CCNF: variants seen among roughly 807,000 people sequenced by gnomAD.
The protein encoded by CCNF is cyclin F, also known as cyclin-F.
Under a neutral mutation model 85.4 loss-of-function variants are expected in CCNF, and 30 were observed. That is an observed-to-expected ratio of 0.35 (90% CI 0.26 to 0.48). The LOEUF (loss-of-function observed/expected upper bound fraction) is 0.48, where lower values mean the gene tolerates loss of function less well. CCNF is among the 20% of genes least tolerant of loss of function. The probability of loss-of-function intolerance (pLI) is 0.99; values close to 1 mark genes in which losing one functional copy is unlikely to be tolerated. For missense variants in CCNF, 919 were observed against 1,010.4 expected (o/e 0.91, Z 1.23); for synonymous variants, 439 against 425.1 (o/e 1.03, Z -0.40).
At chr16:2,432,862 A>C in intron 2 of CCNF, 99 bp from the exon 3 acceptor site, 1 of 634,312 alleles carries the variant, frequency 1.6e-6, no homozygotes, top group Non-Finnish European at 2.8e-6. Flanking sequence ...CGAGGGAGAC[A>C]GGAGACCCTA....
At chr16:2,433,896 G>A (rs140562343) in intron 3 of CCNF, among the ~76,000 whole-genome samples, 4 of 152,340 alleles carry the variant, frequency 2.6e-5, no homozygotes, top group Non-Finnish European at 5.9e-5. Flanking sequence ...AATCCAGATC[G>A]ACAGCCAACC....
chr16:2,435,111 C>T (rs1406134584), intron 3 of CCNF, among the ~76,000 whole-genome samples: 5 of 151,734 alleles, frequency 3.3e-5, no homozygotes, highest in Non-Finnish European at 5.9e-5. Context: ...ATTAGACAGG[C>T]GTGGTGGCGG....
chr16:2,456,741 G>C lies in CCNF; in HGVS notation c.2082G>C (p.Gly694=). The C allele has an allele frequency of 6.2e-7, 1 of 1,612,422 alleles. No homozygotes were observed. Among genetic ancestry groups the C allele is most frequent in the East Asian group, 2.2e-5 (1 of 44,868 alleles). Residue 694 remains glycine (G), a synonymous_variant, in exon 17 of 17, where the codon GGG becomes GGC. Transcript: ENST00000397066. The surrounding 1 kb of genome is among the most constrained non-coding windows in gnomAD (Gnocchi z 4.5). ...KPLVRTSREP[G]KDVTTSGYSS... is the part of the protein sequence containing the mutation. ...TGGTCCGCACCAGCCGGGAGCCAGG[G>C]AAGGACGTCACGACCTCAGGGTACT...
chr16:2,445,288 G>T, intron 9 of CCNF, 170 bp from the exon 10 acceptor site: 1 of 704,200 alleles, frequency 1.4e-6, no homozygotes, highest in Non-Finnish European at 2.4e-6. Flanking sequence ...GACCCACGGA[G>T]CCTCCCGGGC....
Position 2,431,116 on chromosome 16 carries a change from T to A in CCNF, c.17-14T>A, listed in dbSNP as rs1489554240. Reference sequence around the variant, plus strand: ...TTTTCATCTTATCAAGGCTTCTGTCTTTTTTTCCTTCAGTGGTCCACTGTA... The same window carrying A: ...TTTTCATCTTATCAAGGCTTCTGTCATTTTTTCCTTCAGTGGTCCACTGTA... On this transcript the variant is annotated splice_polypyrimidine_tract_variant and intron_variant, in intron 1 of 16. Coordinates refer to ENST00000397066, the MANE Select transcript of CCNF (RefSeq NM_001761.3). 6.2e-7 allele frequency: 1 copy of A among 1,611,134 alleles called. No homozygotes were observed. The highest frequency in any genetic ancestry group is 8.5e-7 in the Non-Finnish European group (1 of 1,178,296).
At chr16:2,446,795 T>C (rs1047759810) in intron 10 of CCNF, among the ~76,000 whole-genome samples, 3 of 152,036 alleles carry the variant, frequency 2.0e-5, no homozygotes, top group Non-Finnish European at 4.4e-5. Context: ...CATCTTAATC[T>C]CTGCCACCAA....
Position 2,452,303 on chromosome 16 carries a change from C to T in CCNF, c.1488-907C>T, listed in dbSNP as rs72768719. On this transcript the variant is annotated intron_variant, in intron 13 of 16. Transcript: ENST00000397066. The surrounding 1 kb of genome is among the most constrained non-coding windows in gnomAD (Gnocchi z 4.1). ...GCTCCAGCCACAGGGGACCTGGTGG[C>T]ATCTCCCGGGCTTTGGCATGTGCTG... Among the ~76,000 whole-genome samples, 6 of 152,304 alleles carry T rather than the reference C, an allele frequency of 3.9e-5. No homozygotes were observed. Among genetic ancestry groups the T allele is most frequent in the Non-Finnish European group, 8.8e-5 (6 of 68,028 alleles).
chr16:2,429,772 AGCGATCCGGCGATCGGGTCCCGGGGCG>A (rs571630614), intron 1 of CCNF, among the ~76,000 whole-genome samples: 5,651 of 151,688 alleles, frequency 0.037, 349 homozygotes, highest in African/African-American at 0.12. Context: ...GTCCCGGGGC[AGCGATCCGGCGATCGGGTCCCGGGGCG>A]GCGATCGGGT....
chr16:2,450,678 C>A (rs1316953723), intron 13 of CCNF, among the ~76,000 whole-genome samples: 2 of 152,212 alleles, frequency 1.3e-5, no homozygotes, highest in Non-Finnish European at 1.5e-5. Context: ...TGTCATCTAG[C>A]TCAGGCACTG....
At chr16:2,437,933 T>G (rs1596917849) in intron 5 of CCNF, 137 bp from the exon 6 acceptor site, 21 of 566,226 alleles carry the variant, frequency 3.7e-5, no homozygotes, top group South Asian at 7.8e-5. Context: ...GACTGAAATC[T>G]GGGAGTGGCC....
intron 4 of CCNF, 185 bp downstream of exon 4, chr16:2,436,058 T>C (rs1223501107): frequency 5.7e-5 from 28 of 488,376 alleles, no homozygotes. Flanking sequence ...CTAATGATAC[T>C]CTGACTTTGC....
chr16:2,435,280 A>G (rs9937793), intron 3 of CCNF, among the ~76,000 whole-genome samples: 14,139 of 149,224 alleles, frequency 0.095, 827 homozygotes, highest in Non-Finnish European at 0.13. Flanking sequence ...AAGAAAAAAA[A>G]AAAGAAATGT....
In CCNF at chr16:2,443,623, G is replaced by A. The variant is rs200870073; in HGVS notation, c.778-26G>A. 8.8e-4 allele frequency: 1,409 copies of A among 1,607,384 alleles called. 2 individuals carry two copies. Among genetic ancestry groups the A allele is most frequent in the Non-Finnish European group, 9.0e-4 (1,054 of 1,174,642 alleles). ...AACTGCAACATGGCTGCTGTCTCAC[G>A]CTCATGTTTGTCTTTTCTTCCTCAG... On this transcript the variant is annotated intron_variant, in intron 8 of 16. Transcript: ENST00000397066.
At chr16:2,445,741 T>TTG in intron 10 of CCNF, 119 bp downstream of exon 10, 3 of 1,025,398 alleles carry the variant, frequency 2.9e-6, no homozygotes, top group Non-Finnish European at 4.1e-6. Context: ...TTTTTTTTTT[T>TTG]TCCCGAGACC....
chr16:2,432,193 AT>A (rs1262555052), intron 2 of CCNF, among the ~76,000 whole-genome samples: 1 of 152,226 alleles, frequency 6.6e-6, no homozygotes, highest in African/African-American at 2.4e-5. Flanking sequence ...GTTTAAAAGA[AT>A]AAGAATACAT....
chr16:2,446,169 G>A (rs555847401), intron 10 of CCNF, among the ~76,000 whole-genome samples: 1 of 152,304 alleles, frequency 6.6e-6, no homozygotes, highest in Admixed American at 6.5e-5. Flanking sequence ...CTGCATCCAG[G>A]CAATTCATCC....
chr16:2,442,700 TTA>T lies in CCNF; in HGVS notation c.778-942_778-941del, dbSNP rs1391734296. Among the ~76,000 whole-genome samples the T allele has an allele frequency of 3.4e-5, 2 of 58,122 alleles. 1 individual carries two copies. Among genetic ancestry groups the T allele is most frequent in the Non-Finnish European group, 5.7e-5 (2 of 35,144 alleles). 38.1% of individuals were successfully genotyped at this position (58,122 alleles called of 152,430 possible). Reference sequence around the variant, plus strand: ...ATAATATCATATTATTATATAATAATTATATATAAATATGTATTTATATATTG... The same window carrying T: ...ATAATATCATATTATTATATAATAATTATATAAATATGTATTTATATATTG... On this transcript the variant is annotated intron_variant, in intron 8 of 16. Transcript: ENST00000397066.
intron 15 of CCNF, 106 bp from the exon 16 acceptor site, chr16:2,455,289 G>A (rs529121551): frequency 1.5e-4 from 202 of 1,368,650 alleles, no homozygotes; most frequent in South Asian, 1.8e-4. Context: ...TTGGGAGCAC[G>A]TGGTGACAGG....
rs201097939 is a variant in CCNF at position 2,444,510 on chromosome 16, C to CAGCT, written c.929+712_929+713insCTAG. Among the ~76,000 whole-genome samples the CAGCT allele has an allele frequency of 4.6e-4, 69 of 151,402 alleles. No individual in the cohort carries two copies. In the East Asian group the frequency reaches 0.013, roughly 29 times the overall value. On this transcript the variant is annotated intron_variant, in intron 9 of 16. Coordinates refer to ENST00000397066, the MANE Select transcript of CCNF (RefSeq NM_001761.3). ...AGAGATGGGGTTTCATCGTATTAGC[C>CAGCT]AGGATGGTCTCAATCTCCTGACCTC...
Sources: allele counts gnomAD v4.1 joint callset (sites outside exome capture counted in the v4.1 genomes callset), GRCh38; gene constraint gnomAD v4.1.1; non-coding constraint Gnocchi (gnomAD v3.1); transcripts MANE v1.5; gene names NCBI Gene and HGNC (gene_info 2026-07-23, HGNC 2026-07-21).